The following STT3B variants were observed in gnomAD, a reference collection of about 807,000 sequenced individuals.
STT3B encodes the protein STT3 oligosaccharyltransferase complex catalytic subunit B.
A neutral mutation model predicts 96.8 loss-of-function variants in STT3B; 29 were observed. That is an observed-to-expected ratio of 0.30 (90% CI 0.22 to 0.41). The LOEUF (loss-of-function observed/expected upper bound fraction) is 0.41, where lower values mean the gene tolerates loss of function less well. Among genes scored for constraint, STT3B ranks in the 10% least tolerant of loss-of-function variants. The pLI is 1.00. For synonymous variants in STT3B, 367 were observed against 360.0 expected, an observed-to-expected ratio of 1.02 and a Z score of -0.22; for missense variants, 640 against 1,022.3, an observed-to-expected ratio of 0.63 and a Z score of 5.10.
chr3:31,588,028 A>C (rs1698583226), intron 3 of STT3B, among the ~76,000 whole-genome samples: 1 of 152,156 alleles, frequency 6.6e-6, no homozygotes, highest in Non-Finnish European at 1.5e-5. Context: ...AAGCCTAAGA[A>C]AACTTACTAT....
chr3:31,628,389 T>C (rs1699581027), intron 13 of STT3B, among the ~76,000 whole-genome samples: 1 of 152,210 alleles, frequency 6.6e-6, no homozygotes, highest in Non-Finnish European at 1.5e-5. Flanking sequence ...GCACAGTACG[T>C]TGCATTTTTT....
At chr3:31,576,174 A>G (rs187043402) in intron 1 of STT3B, among the ~76,000 whole-genome samples, 153 of 152,096 alleles carry the variant, frequency 1.0e-3, no homozygotes, top group Non-Finnish European at 2.0e-3. Context: ...GCTAAATGTT[A>G]TTTTGAACAT....
chr3:31,585,048 C>G (rs1254114706), intron 3 of STT3B, among the ~76,000 whole-genome samples: 1 of 152,056 alleles, frequency 6.6e-6, no homozygotes, highest in Non-Finnish European at 1.5e-5. Flanking sequence ...ATTCCTCACC[C>G]AGTGTTTTTA....
intron 1 of STT3B, 173 bp downstream of exon 1, chr3:31,533,485 C>T (rs1696997684): frequency 3.8e-6 from 3 of 797,476 alleles, no homozygotes; most frequent in Non-Finnish European, 5.1e-6. Context: ...TGCCCGTGGG[C>T]GAAGTTTGCC....
intron 1 of STT3B, among the ~76,000 whole-genome samples, chr3:31,541,708 C>G (rs1010871752): frequency 6.6e-6 from 1 of 152,076 alleles, no homozygotes; most frequent in Non-Finnish European, 1.5e-5. Flanking sequence ...TTCTGAGTAG[C>G]TGGGACTACA....
rs772991104 is a variant in STT3B, at chr3:31,629,343, G to A, written c.2119G>A (p.Ala707Thr). The A allele has an allele frequency of 6.2e-7, 1 of 1,611,018 alleles. No homozygotes were observed. Among genetic ancestry groups the A allele is most frequent in the South Asian group, 1.1e-5 (1 of 90,408 alleles). ...ACAGGGAGAATTCCGTGTAGACAAAGCAGGATCCCCTACTTTGTTGAATTG... is the reference window on the plus strand; with the variant it reads ...ACAGGGAGAATTCCGTGTAGACAAAACAGGATCCCCTACTTTGTTGAATTG... ...TPQGEFRVDK[A>T]GSPTLLNCLM... is the part of the protein sequence containing the mutation. The change falls in exon 14 of 16, where the codon GCA (alanine) becomes ACA (threonine). Residue 707 changes from alanine to threonine, a missense_variant. Physicochemically the swap from Ala to Thr is moderately conservative, Grantham distance 58. Transcript: ENST00000295770.
chr3:31,613,200 A>G (rs73826809), intron 5 of STT3B, among the ~76,000 whole-genome samples: 8,190 of 152,024 alleles, frequency 0.054, 746 homozygotes, highest in African/African-American at 0.19. Context: ...TAAAATGGTT[A>G]TGTCATGTGA....
intron 1 of STT3B, among the ~76,000 whole-genome samples, chr3:31,543,686 TTGA>T (rs1431022376): frequency 6.6e-6 from 1 of 151,944 alleles, no homozygotes; most frequent in African/African-American, 2.4e-5. Flanking sequence ...AAGGGAAGAG[TTGA>T]TGAAGAAAAG....
chr3:31,603,926 A>T (rs1389351290), intron 5 of STT3B, among the ~76,000 whole-genome samples: 1 of 152,178 alleles, frequency 6.6e-6, no homozygotes, highest in African/African-American at 2.4e-5. Context: ...TCTGCTTTCC[A>T]GATACATACA....
intron 9 of STT3B, among the ~76,000 whole-genome samples, chr3:31,620,755 C>A (rs528014186): frequency 6.6e-6 from 1 of 152,226 alleles, no homozygotes; most frequent in African/African-American, 2.4e-5. Context: ...AACTTTATCA[C>A]GTGCACAGGA....
intron 14 of STT3B, 102 bp from the exon 15 acceptor site, chr3:31,632,833 T>C (rs1699690668): frequency 9.9e-7 from 1 of 1,006,034 alleles, no homozygotes; most frequent in Admixed American, 2.2e-5. Flanking sequence ...GTTTTCCTAG[T>C]TTAAAGGGAG....
chr3:31,557,617 A>ATTTT (rs1697751937), intron 1 of STT3B, among the ~76,000 whole-genome samples: 1 of 151,630 alleles, frequency 6.6e-6, no homozygotes, highest in Non-Finnish European at 1.5e-5. Flanking sequence ...CTAGGTATAT[A>ATTTT]TATTTTTATT....
intron 1 of STT3B, among the ~76,000 whole-genome samples, chr3:31,564,564 A>G (rs1007809621): frequency 1.3e-5 from 2 of 152,236 alleles, no homozygotes; most frequent in African/African-American, 4.8e-5. Context: ...AAAGGTATTT[A>G]AGGCATAATA....
intron 5 of STT3B, among the ~76,000 whole-genome samples, chr3:31,614,779 AC>A (rs1482200212): frequency 2.0e-4 from 30 of 152,008 alleles, no homozygotes; most frequent in Non-Finnish European, 4.0e-4. Context: ...TGTATGTATT[AC>A]TTAGCTTCTT....
intron 12 of STT3B, 146 bp downstream of exon 12, chr3:31,625,231 T>A: frequency 1.6e-6 from 1 of 623,546 alleles, no homozygotes; most frequent in Non-Finnish European, 2.6e-6. Flanking sequence ...TTCAATAAAG[T>A]GAGTTCAAGG....
intron 1 of STT3B, among the ~76,000 whole-genome samples, chr3:31,561,883 G>A (rs1697887856): frequency 6.6e-6 from 1 of 151,956 alleles, no homozygotes; most frequent in Non-Finnish European, 1.5e-5. Flanking sequence ...GTCTCCATAT[G>A]ATTTTCTTTT....
chr3:31,570,417 A>G (rs1393502581), intron 1 of STT3B, among the ~76,000 whole-genome samples: 1 of 152,152 alleles, frequency 6.6e-6, no homozygotes, highest in Non-Finnish European at 1.5e-5. Flanking sequence ...AGGATGAAAC[A>G]TTAGAGAAGA....
intron 5 of STT3B, among the ~76,000 whole-genome samples, chr3:31,611,657 C>G (rs967146255): frequency 6.6e-6 from 1 of 152,008 alleles, no homozygotes; most frequent in African/African-American, 2.4e-5. Flanking sequence ...CCACCACACC[C>G]AGCTAATTTT....
At chr3:31,564,383 A>G (rs1474545071) in intron 1 of STT3B, among the ~76,000 whole-genome samples, 4 of 152,246 alleles carry the variant, frequency 2.6e-5, no homozygotes, top group African/African-American at 4.8e-5. Context: ...ATATTTGCCC[A>G]GAGGCAAAAT....
Sources: allele counts gnomAD v4.1 joint callset (sites outside exome capture counted in the v4.1 genomes callset), GRCh38; gene constraint gnomAD v4.1.1; transcripts MANE v1.5; gene names NCBI Gene and HGNC (gene_info 2026-07-23, HGNC 2026-07-21).